OSBPL9: variants seen among roughly 807,000 people sequenced by gnomAD.
OSBPL9 encodes oxysterol binding protein like 9, also known as oxysterol-binding protein-related protein 9.
OSBPL9 carries 40 observed loss-of-function variants against 106.6 expected under a neutral mutation model. The observed-to-expected ratio is 0.38, with a 90% CI of 0.29 to 0.49. OSBPL9 has a LOEUF of 0.49. Among genes scored for constraint, OSBPL9 ranks in the 20% least tolerant of loss-of-function variants. The pLI is 0.97. For missense variants in OSBPL9, 609 were observed against 887.2 expected, an observed-to-expected ratio of 0.69 and a Z score of 3.98; for synonymous variants, 269 against 295.4, an observed-to-expected ratio of 0.91 and a Z score of 0.92.
At chr1:51,704,185 T>C (rs1234013054) in intron 3 of OSBPL9, among the ~76,000 whole-genome samples, 1 of 152,182 alleles carries the variant, frequency 6.6e-6, no homozygotes, top group Non-Finnish European at 1.5e-5. Flanking sequence ...CTTTTTCTAT[T>C]GATTGGAATA....
chr1:51,643,780 A>T (rs1258947363), intron 1 of OSBPL9, among the ~76,000 whole-genome samples: 1 of 151,982 alleles, frequency 6.6e-6, no homozygotes, highest in East Asian at 1.9e-4. Context: ...GAGATAGAGA[A>T]GAATTAGAAG....
the OSBPL9 span, among the ~76,000 whole-genome samples, chr1:51,535,910 C>T: frequency 1.3e-5 from 2 of 152,070 alleles, no homozygotes; most frequent in Non-Finnish European, 2.9e-5. Flanking sequence ...TAATCTCAAA[C>T]TTGCAGAAGA....
chr1:51,763,584 A>G (rs1483364217), intron 11 of OSBPL9, among the ~76,000 whole-genome samples: 2 of 152,170 alleles, frequency 1.3e-5, no homozygotes, highest in Non-Finnish European at 2.9e-5. Flanking sequence ...AATGATGAAT[A>G]ATTACCCTGT....
chr1:51,530,605 C>A, the OSBPL9 span, among the ~76,000 whole-genome samples: 1 of 151,826 alleles, frequency 6.6e-6, no homozygotes. Flanking sequence ...AAAAAATTAG[C>A]CAGGCATAGT....
intron 12 of OSBPL9, among the ~76,000 whole-genome samples, chr1:51,770,918 GAACAGGC>G (rs1372045508): frequency 6.6e-6 from 1 of 152,106 alleles, no homozygotes; most frequent in Admixed American, 6.5e-5. Flanking sequence ...AAAACCGATA[GAACAGGC>G]AACTCCAAGA....
intron 14 of OSBPL9, among the ~76,000 whole-genome samples, chr1:51,774,085 G>C (rs1169835826): frequency 6.6e-6 from 1 of 152,106 alleles, no homozygotes; most frequent in Non-Finnish European, 1.5e-5. Context: ...TGGCAAGGGG[G>C]AGGCTAAATG....
At chr1:51,747,696 C>T (rs978535546) in intron 6 of OSBPL9, among the ~76,000 whole-genome samples, 17 of 151,402 alleles carry the variant, frequency 1.1e-4, no homozygotes, top group African/African-American at 3.9e-4. Context: ...CGTTTTAAAA[C>T]AACTTAGGAA....
intron 4 of OSBPL9, chr1:51,730,253 C>G: frequency 2.2e-6 from 2 of 909,974 alleles, no homozygotes; most frequent in Non-Finnish European, 2.9e-6. Flanking sequence ...CCAAATGAGA[C>G]TTTGGAGGAG....
intron 2 of OSBPL9, among the ~76,000 whole-genome samples, chr1:51,668,188 T>C (rs776435102): frequency 5.3e-5 from 8 of 152,240 alleles, no homozygotes; most frequent in Admixed American, 2.0e-4. Flanking sequence ...TGACCTATTC[T>C]GTGTTCTGTA....
At chr1:51,596,558 C>T (rs962797591) in intron 1 of OSBPL9, among the ~76,000 whole-genome samples, 5 of 109,914 alleles carry the variant, frequency 4.5e-5, no homozygotes, top group Admixed American at 1.1e-4. Context: ...AAACTCTTGT[C>T]GCAAAAAAAA....
chr1:51,777,635 T>TA (rs377731919), intron 15 of OSBPL9, among the ~76,000 whole-genome samples: 9,806 of 110,848 alleles, frequency 0.088, 785 homozygotes, highest in African/African-American at 0.28. Flanking sequence ...TAAATATATA[T>TA]TTTTTTTTTC....
intron 4 of OSBPL9, among the ~76,000 whole-genome samples, chr1:51,722,183 A>ATAGG (rs1419243724): frequency 6.6e-4 from 101 of 152,148 alleles, no homozygotes; most frequent in African/African-American, 2.3e-3. Flanking sequence ...AGATAGATAG[A>ATAGG]TAGATAGATA....
chr1:51,742,770 G>T (rs1024865420), intron 4 of OSBPL9, among the ~76,000 whole-genome samples: 1 of 151,978 alleles, frequency 6.6e-6, no homozygotes, highest in Non-Finnish European at 1.5e-5. Context: ...CATTAAAAAG[G>T]ATTAATATGA....
chr1:51,705,933 G>A (rs1441610109), intron 3 of OSBPL9, among the ~76,000 whole-genome samples: 1 of 152,154 alleles, frequency 6.6e-6, no homozygotes, highest in Non-Finnish European at 1.5e-5. Flanking sequence ...AGAGGAAAGA[G>A]TCATGCATCA....
chr1:51,662,079 A>T (rs1570892188), intron 2 of OSBPL9, among the ~76,000 whole-genome samples: 1 of 152,316 alleles, frequency 6.6e-6, no homozygotes, highest in East Asian at 1.9e-4. Context: ...TCGTATGGTC[A>T]CCTTGTGTGA....
chr1:51,543,664 G>T, the OSBPL9 span, among the ~76,000 whole-genome samples: 1 of 152,186 alleles, frequency 6.6e-6, no homozygotes, highest in East Asian at 1.9e-4. Context: ...CAAAGTGCTG[G>T]GATTACAGGC....
chr1:51,617,746 C>T (rs1644152932), intron 1 of OSBPL9, among the ~76,000 whole-genome samples: 2 of 152,158 alleles, frequency 1.3e-5, no homozygotes. Context: ...GTCCGAAATC[C>T]CTCCAGTCGG....
chr1:51,617,925 A>G (rs971284815), intron 1 of OSBPL9, among the ~76,000 whole-genome samples: 1 of 151,990 alleles, frequency 6.6e-6, no homozygotes, highest in African/African-American at 2.4e-5. Context: ...TTCTGGGTTC[A>G]GGGCTTCACT....
At chr1:51,536,445 A>G in the OSBPL9 span, among the ~76,000 whole-genome samples, 1 of 152,102 alleles carries the variant, frequency 6.6e-6, no homozygotes, top group Admixed American at 6.6e-5. Context: ...CTAGCTAGCT[A>G]GTACCGCAGG....
Sources: allele counts gnomAD v4.1 joint callset (sites outside exome capture counted in the v4.1 genomes callset), GRCh38; gene constraint gnomAD v4.1.1; transcripts MANE v1.5; gene names NCBI Gene and HGNC (gene_info 2026-07-23, HGNC 2026-07-21).